The following TMEM132B variants were observed in gnomAD, a reference collection of about 807,000 sequenced individuals.
TMEM132B encodes the protein transmembrane protein 132B.
In TMEM132B, 18 loss-of-function variants were observed where a neutral mutation model predicts 90.8. That is an observed-to-expected ratio of 0.20 (90% CI 0.14 to 0.29). TMEM132B has a LOEUF of 0.29. TMEM132B is among the 10% of genes least tolerant of loss of function. The pLI, the probability that TMEM132B is intolerant of heterozygous loss-of-function variation, is 1.00. For missense variants in TMEM132B, 1,096 were observed against 1,326.8 expected, an observed-to-expected ratio of 0.83 and a Z score of 2.70; for synonymous variants, 504 against 523.3, an observed-to-expected ratio of 0.96 and a Z score of 0.50.
At chr12:125,210,599 G>A (rs1447890900) in intron 1 of TMEM132B, among the ~76,000 whole-genome samples, 3 of 152,052 alleles carry the variant, frequency 2.0e-5, no homozygotes, top group Non-Finnish European at 2.9e-5. Flanking sequence ...TACTGCTGTC[G>A]TCTGGTGAGC....
At chr12:125,528,291 G>A (rs965686484) in intron 4 of TMEM132B, among the ~76,000 whole-genome samples, 6 of 152,116 alleles carry the variant, frequency 3.9e-5, no homozygotes, top group Non-Finnish European at 8.8e-5. Flanking sequence ...TTCAACGACT[G>A]TTCTTAAAAC....
intron 1 of TMEM132B, among the ~76,000 whole-genome samples, chr12:125,340,941 G>A (rs910953560): frequency 6.6e-6 from 1 of 152,238 alleles, no homozygotes; most frequent in South Asian, 2.1e-4. Flanking sequence ...GCAGGGGCCA[G>A]TTGGGAGCAC....
Position 125,642,936 on chromosome 12 carries a change from A to ATTT in TMEM132B, c.1438-1133_1438-1131dup, listed in dbSNP as rs143813236. Among the ~76,000 whole-genome samples, 133 of 151,020 alleles carry ATTT rather than the reference A, an allele frequency of 8.8e-4. 2 individuals carry two copies. In the South Asian group the frequency reaches 0.02, roughly 22 times the overall value. On this transcript the variant is annotated intron_variant, in intron 5 of 8. Coordinates refer to ENST00000682704, the MANE Select transcript of TMEM132B (RefSeq NM_001366854.1). The stretch of plus-strand genomic sequence containing the variant: ...AAGGAAGCACATTCGTATTAGTGCC[A>ATTT]TTTTTTTTTGGCGGGGTGGGTGGCG...
At chr12:125,402,412 G>C (rs969980553) in intron 2 of TMEM132B, among the ~76,000 whole-genome samples, 1 of 152,178 alleles carries the variant, frequency 6.6e-6, no homozygotes, top group Non-Finnish European at 1.5e-5. Flanking sequence ...CCTCACCTCA[G>C]GTGACCTGCC....
At chr12:125,601,085 A>G (rs1372685089) in intron 5 of TMEM132B, among the ~76,000 whole-genome samples, 1 of 152,210 alleles carries the variant, frequency 6.6e-6, no homozygotes, top group African/African-American at 2.4e-5. Flanking sequence ...AAGGATATGC[A>G]GGACTTGAAC....
At chr12:125,482,749 A>G (rs1308155968) in intron 3 of TMEM132B, among the ~76,000 whole-genome samples, 5 of 152,230 alleles carry the variant, frequency 3.3e-5, no homozygotes, top group Non-Finnish European at 4.4e-5. Flanking sequence ...TACTAGGTAT[A>G]TACCCAAAGG....
Position 125,652,424 on chromosome 12 carries a change from C to G in TMEM132B, c.1915-17C>G. ...ATGAGGAGCAGAGATGCATGAGTCT[C>G]CTCGCTGACTTTTCAGGTCCTCTCG... On this transcript the variant is annotated splice_polypyrimidine_tract_variant and intron_variant, in intron 7 of 8. Transcript: ENST00000682704. 5 of 1,570,192 alleles carry G rather than the reference C, an allele frequency of 3.2e-6. No individual in the cohort carries two copies. Among genetic ancestry groups the G allele is most frequent in the Admixed American group, 1.8e-5 (1 of 55,556 alleles).
chr12:125,615,345 A>G (rs1885961510), intron 5 of TMEM132B, among the ~76,000 whole-genome samples: 1 of 151,868 alleles, frequency 6.6e-6, no homozygotes, highest in South Asian at 2.1e-4. Flanking sequence ...CTATCTATCT[A>G]TCTATCTAGA....
chr12:125,532,536 A>G (rs746226152), intron 4 of TMEM132B, among the ~76,000 whole-genome samples: 3 of 149,062 alleles, frequency 2.0e-5, no homozygotes, highest in Non-Finnish European at 4.4e-5. Context: ...TTTTTTCGAG[A>G]CAGAGTCTCA....
rs188580514 is a variant in TMEM132B, at chr12:125,539,462, C to A, written c.1293+19837C>A. ...TGTCTCTCAGTGACCCGTTGTGACA[C>A]CCATCTGGTTTCTTTCCTTCGCAGA... On this transcript the variant is annotated intron_variant, in intron 4 of 8. Coordinates refer to ENST00000682704, the MANE Select transcript of TMEM132B (RefSeq NM_001366854.1). 4.0e-3 allele frequency among the ~76,000 whole-genome samples: 612 copies of A among 152,326 alleles called. 1 individual carries two copies. The highest frequency in any genetic ancestry group is 7.2e-3 in the Non-Finnish European group (489 of 68,034).
chr12:125,253,398 A>G (rs1042188344), intron 1 of TMEM132B, among the ~76,000 whole-genome samples: 3 of 150,798 alleles, frequency 2.0e-5, no homozygotes, highest in African/African-American at 2.4e-5. Flanking sequence ...AGAACATTTC[A>G]TACATCTCTT....
At chr12:125,320,911 A>T (rs1212906269) in intron 1 of TMEM132B, among the ~76,000 whole-genome samples, 3 of 152,232 alleles carry the variant, frequency 2.0e-5, no homozygotes, top group Non-Finnish European at 2.9e-5. Flanking sequence ...GTAAATTTTC[A>T]GCAGACTCAT....
intron 4 of TMEM132B, among the ~76,000 whole-genome samples, chr12:125,573,079 TA>T (rs1053341404): frequency 1.3e-5 from 2 of 152,172 alleles, no homozygotes; most frequent in Non-Finnish European, 2.9e-5. Context: ...TCTTGGCACT[TA>T]AATCAGCCAT....
At chr12:125,622,390 G>A (rs997050689) in intron 5 of TMEM132B, 2 of 815,768 alleles carry the variant, frequency 2.5e-6, no homozygotes, top group Non-Finnish European at 3.0e-6. Flanking sequence ...GTCTTTTAAA[G>A]TAAGAATCAC....
intron 1 of TMEM132B, among the ~76,000 whole-genome samples, chr12:125,197,272 A>G (rs1872946234): frequency 6.6e-6 from 1 of 152,184 alleles, no homozygotes; most frequent in Non-Finnish European, 1.5e-5. Flanking sequence ...ATTCTGGCAC[A>G]GTTTATTGTT....
At chr12:125,252,748 T>C (rs1471654351) in intron 1 of TMEM132B, among the ~76,000 whole-genome samples, 1 of 152,120 alleles carries the variant, frequency 6.6e-6, no homozygotes, top group Non-Finnish European at 1.5e-5. Flanking sequence ...GATGACTGTC[T>C]CCCCTGAGGG....
At chr12:125,397,318 G>A (rs920134561) in intron 2 of TMEM132B, among the ~76,000 whole-genome samples, 2 of 152,080 alleles carry the variant, frequency 1.3e-5, no homozygotes, top group Non-Finnish European at 2.9e-5. Flanking sequence ...GCACACAGTA[G>A]GTTAACGCCT....
At chr12:125,301,908 A>AAAACAAAAC (rs1565996922) in intron 1 of TMEM132B, 1 of 29,160 alleles carries the variant, frequency 3.4e-5, no homozygotes, top group African/African-American at 1.4e-4. Flanking sequence ...CAAAACAAAA[A>AAAACAAAAC]AAGAAAAAAT....
Position 125,397,423 on chromosome 12 carries a change from T to C in TMEM132B, c.960-18108T>C, listed in dbSNP as rs530766268. 8.9e-4 allele frequency among the ~76,000 whole-genome samples: 136 copies of C among 152,342 alleles called. 1 individual carries two copies. The Middle Eastern group carries it at 0.01, about 11-fold the overall frequency. ...CAAAGCCCTGAGACTCAATCTTCTT[T>C]CCAAATCCTTTTCATTTCAAAAGCA... On this transcript the variant is annotated intron_variant, in intron 2 of 8. Coordinates refer to ENST00000682704, the MANE Select transcript of TMEM132B (RefSeq NM_001366854.1).
Sources: allele counts gnomAD v4.1 joint callset (sites outside exome capture counted in the v4.1 genomes callset), GRCh38; gene constraint gnomAD v4.1.1; transcripts MANE v1.5; gene names NCBI Gene and HGNC (gene_info 2026-07-23, HGNC 2026-07-21).